LRRTM4: variants seen among roughly 807,000 people sequenced by gnomAD.
LRRTM4 encodes leucine rich repeat transmembrane neuronal 4.
In LRRTM4, 25 loss-of-function variants were observed where a neutral mutation model predicts 47.6. The ratio of observed to expected loss-of-function variants is 0.53; its 90% CI spans 0.38 to 0.73. LRRTM4 has a LOEUF of 0.73. Among genes scored for constraint, LRRTM4 ranks in the 30% least tolerant of loss-of-function variants. The pLI, the probability that LRRTM4 is intolerant of heterozygous loss-of-function variation, is 0.00. For synonymous variants in LRRTM4, 311 were observed against 269.5 expected (o/e 1.15, Z -1.51); for missense variants, 638 against 713.4 (o/e 0.89, Z 1.20).
intron 3 of LRRTM4, among the ~76,000 whole-genome samples, chr2:77,449,321 T>G (rs1461457521): frequency 1.3e-5 from 2 of 152,206 alleles, no homozygotes; most frequent in Non-Finnish European, 2.9e-5. Flanking sequence ...GCTGTTTCAC[T>G]TATTAATTAG....
At chr2:76,794,161 G>C (rs767328980) in intron 3 of LRRTM4, among the ~76,000 whole-genome samples, 26 of 152,224 alleles carry the variant, frequency 1.7e-4, no homozygotes, top group Non-Finnish European at 3.2e-4. Flanking sequence ...ATGTAGGCCA[G>C]AGGTGAGTTT....
intron 3 of LRRTM4, among the ~76,000 whole-genome samples, chr2:76,907,556 TG>T (rs1456642934): frequency 6.9e-6 from 1 of 145,418 alleles, no homozygotes; most frequent in African/African-American, 2.6e-5. Context: ...ATCCAGGAGC[TG>T]GTTTTTTGAA....
chr2:77,480,887 T>C (rs1677676002), intron 3 of LRRTM4, among the ~76,000 whole-genome samples: 1 of 148,382 alleles, frequency 6.7e-6, no homozygotes, highest in African/African-American at 2.5e-5. Context: ...ATGCAGGATT[T>C]TCTCTTTTTT....
intron 3 of LRRTM4, among the ~76,000 whole-genome samples, chr2:76,829,141 G>A (rs1242061572): frequency 6.6e-6 from 1 of 151,856 alleles, no homozygotes; most frequent in South Asian, 2.1e-4. Flanking sequence ...TGTTCCCAAA[G>A]TCTGCTTCCA....
chr2:77,090,154 T>A (rs185108271), intron 3 of LRRTM4, among the ~76,000 whole-genome samples: 1 of 152,162 alleles, frequency 6.6e-6, no homozygotes, highest in Non-Finnish European at 1.5e-5. Flanking sequence ...ACACCTGGTC[T>A]GGCTTACAGT....
intron 3 of LRRTM4, among the ~76,000 whole-genome samples, chr2:76,891,405 A>G (rs902910971): frequency 6.6e-6 from 1 of 151,838 alleles, no homozygotes; most frequent in Non-Finnish European, 1.5e-5. Flanking sequence ...GAAGGAAAAA[A>G]TTAAGTATTT....
chr2:77,284,767 G>C (rs982240985), intron 3 of LRRTM4, among the ~76,000 whole-genome samples: 1 of 152,010 alleles, frequency 6.6e-6, no homozygotes, highest in Non-Finnish European at 1.5e-5. Flanking sequence ...TGAGGAAGAG[G>C]CAAATTATAA....
intron 3 of LRRTM4, among the ~76,000 whole-genome samples, chr2:76,960,497 C>G (rs1323866619): frequency 6.6e-6 from 1 of 151,526 alleles, no homozygotes; most frequent in South Asian, 2.1e-4. Flanking sequence ...TTTCTCTTCT[C>G]AGAAGTTATT....
At chr2:77,059,076 C>G (rs1258108251) in intron 3 of LRRTM4, among the ~76,000 whole-genome samples, 1 of 152,102 alleles carries the variant, frequency 6.6e-6, no homozygotes. Flanking sequence ...CTTCGCTAAA[C>G]TTTGTCAGTC....
At chr2:76,861,797 T>C (rs912259851) in intron 3 of LRRTM4, among the ~76,000 whole-genome samples, 1 of 152,200 alleles carries the variant, frequency 6.6e-6, no homozygotes, top group Non-Finnish European at 1.5e-5. Flanking sequence ...TAAAGAAGCA[T>C]TGAATTTCCC....
intron 3 of LRRTM4, among the ~76,000 whole-genome samples, chr2:77,512,887 A>G (rs754172921): frequency 2.6e-5 from 4 of 152,094 alleles, no homozygotes; most frequent in Non-Finnish European, 5.9e-5. Flanking sequence ...ATACCAGCTA[A>G]TTCTAGAAAA....
At chr2:76,840,685 T>C (rs915012195) in intron 3 of LRRTM4, among the ~76,000 whole-genome samples, 6 of 152,034 alleles carry the variant, frequency 3.9e-5, no homozygotes, top group Non-Finnish European at 8.8e-5. Flanking sequence ...TGTATGAACA[T>C]AGGTAAGAAA....
At chr2:76,882,001 T>C (rs2860872) in intron 3 of LRRTM4, among the ~76,000 whole-genome samples, 80,645 of 151,910 alleles carry the variant, frequency 0.53, 22,229 homozygotes, top group East Asian at 0.76. Flanking sequence ...CATTGCATAT[T>C]TTTTGATAAA....
chr2:76,951,468 G>A (rs965878092), intron 3 of LRRTM4, among the ~76,000 whole-genome samples: 1 of 151,838 alleles, frequency 6.6e-6, no homozygotes, highest in Non-Finnish European at 1.5e-5. Flanking sequence ...ATTAATTAAA[G>A]AAAAGCAGGT....
At chr2:77,132,341 A>C (rs1158566869) in intron 3 of LRRTM4, among the ~76,000 whole-genome samples, 1 of 152,184 alleles carries the variant, frequency 6.6e-6, no homozygotes, top group Admixed American at 6.5e-5. Flanking sequence ...TTTTATGATT[A>C]AATAGTACTT....
At chr2:77,162,501 C>G (rs542810068) in intron 3 of LRRTM4, among the ~76,000 whole-genome samples, 2 of 152,300 alleles carry the variant, frequency 1.3e-5, no homozygotes, top group South Asian at 4.1e-4. Context: ...AGTTTGAGAT[C>G]TGAGATGGAC....
intron 3 of LRRTM4, among the ~76,000 whole-genome samples, chr2:77,373,371 A>G (rs1672721951): frequency 6.6e-6 from 1 of 151,588 alleles, no homozygotes; most frequent in Non-Finnish European, 1.5e-5. Context: ...ATACTGAAAA[A>G]AACCATTTGT....
At chr2:76,984,226 G>A (rs1230515651) in intron 3 of LRRTM4, among the ~76,000 whole-genome samples, 2 of 151,974 alleles carry the variant, frequency 1.3e-5, no homozygotes, top group African/African-American at 2.4e-5. Flanking sequence ...GCTTTATGAT[G>A]TATTGTTGAT....
At chr2:76,794,132 TG>T (rs1431246326) in intron 3 of LRRTM4, among the ~76,000 whole-genome samples, 3 of 151,988 alleles carry the variant, frequency 2.0e-5, no homozygotes, top group African/African-American at 7.3e-5. Flanking sequence ...TTTTATGGAA[TG>T]ATTGATGAGC....
Sources: allele counts gnomAD v4.1 joint callset (sites outside exome capture counted in the v4.1 genomes callset), GRCh38; gene constraint gnomAD v4.1.1; transcripts MANE v1.5; gene names NCBI Gene and HGNC (gene_info 2026-07-23, HGNC 2026-07-21).